The following FRMD4A variants were observed in gnomAD, a reference collection of about 807,000 sequenced individuals.
FRMD4A encodes FERM domain-containing protein 4A.
A neutral mutation model predicts 129.1 loss-of-function variants in FRMD4A; 29 were observed. That is an observed-to-expected ratio of 0.22 (90% confidence interval 0.17 to 0.31). The LOEUF (loss-of-function observed/expected upper bound fraction) is 0.31, where lower values mean the gene tolerates loss of function less well. FRMD4A is among the 10% of genes least tolerant of loss of function. The probability of loss-of-function intolerance (pLI) is 1.00; values close to 1 mark genes in which losing one functional copy is unlikely to be tolerated. For synonymous variants in FRMD4A, 634 were observed against 571.6 expected (o/e 1.11, Z -1.56); for missense variants, 1,272 against 1,375.8 (o/e 0.92, Z 1.19).
chr10:14,200,593 G>A (rs560792571), intron 2 of FRMD4A, among the ~76,000 whole-genome samples: 33 of 152,310 alleles, frequency 2.2e-4, no homozygotes, highest in African/African-American at 7.9e-4. Flanking sequence ...CACTAAGGGA[G>A]AGAAGTTCAA....
chr10:13,780,265 T>C (rs2092701565), intron 6 of FRMD4A, among the ~76,000 whole-genome samples: 1 of 151,536 alleles, frequency 6.6e-6, no homozygotes, highest in South Asian at 2.1e-4. Flanking sequence ...AGGCGGAGGC[T>C]GCAGTGAGCT....
chr10:13,802,158 CT>C (rs763722996), intron 4 of FRMD4A, among the ~76,000 whole-genome samples: 2 of 152,176 alleles, frequency 1.3e-5, no homozygotes, highest in Non-Finnish European at 2.9e-5. Flanking sequence ...TATGCAATTG[CT>C]TCCAGGCAAT....
chr10:14,017,584 C>T (rs1282568920), intron 2 of FRMD4A, among the ~76,000 whole-genome samples: 2 of 152,184 alleles, frequency 1.3e-5, no homozygotes, highest in Non-Finnish European at 2.9e-5. Flanking sequence ...TTCCATGCTT[C>T]CTTTTCCAGG....
intron 2 of FRMD4A, among the ~76,000 whole-genome samples, chr10:14,039,846 A>G (rs1212845783): frequency 6.6e-6 from 1 of 152,134 alleles, no homozygotes; most frequent in Non-Finnish European, 1.5e-5. Flanking sequence ...GGACCTCGTG[A>G]GGCTGTGTCA....
intron 2 of FRMD4A, among the ~76,000 whole-genome samples, chr10:13,967,594 G>A (rs988079563): frequency 6.6e-6 from 1 of 152,188 alleles, no homozygotes; most frequent in African/African-American, 2.4e-5. Context: ...TGGTTGCCTC[G>A]GATGTGCCAA....
In FRMD4A at chr10:14,141,798, G is replaced by A. The variant is rs141128676; in HGVS notation, c.45+188260C>T. Among the ~76,000 whole-genome samples, 286 of 143,386 alleles carry A rather than the reference G, an allele frequency of 2.0e-3. 4 individuals carry two copies. Among genetic ancestry groups the A allele is most frequent in the East Asian group, 2.6e-3 (11 of 4,282 alleles). The allele number at this position is 143,386 out of a possible 152,430, so 94.1% of individuals were successfully genotyped here. Reference sequence around the variant, plus strand: ...ATGCGGTCTTTCTGATTTAGAGTTAGAGGTGTACGTGTGCACATGTGTGTG... The same window carrying A: ...ATGCGGTCTTTCTGATTTAGAGTTAAAGGTGTACGTGTGCACATGTGTGTG... On this transcript the variant is annotated intron_variant, in intron 2 of 24. Transcript: ENST00000357447.
intron 2 of FRMD4A, among the ~76,000 whole-genome samples, chr10:14,045,829 AT>A (rs1833969683): frequency 6.8e-6 from 1 of 146,112 alleles, no homozygotes. Flanking sequence ...ATTATATATA[AT>A]TGCCTACAAA....
At chr10:13,854,881 G>A (rs2094192561) in intron 3 of FRMD4A, among the ~76,000 whole-genome samples, 1 of 152,134 alleles carries the variant, frequency 6.6e-6, no homozygotes, top group Non-Finnish European at 1.5e-5. Flanking sequence ...CATGCTCTGG[G>A]GCTGAATGCT....
chr10:14,212,905 G>A (rs1027019323), intron 2 of FRMD4A, among the ~76,000 whole-genome samples: 7 of 152,180 alleles, frequency 4.6e-5, no homozygotes, highest in South Asian at 2.1e-4. Context: ...TGAAGCCCTC[G>A]GAGAAGTCAC....
At chr10:14,185,858 ATAGAGT>A (rs1267676257) in intron 2 of FRMD4A, among the ~76,000 whole-genome samples, 1 of 152,092 alleles carries the variant, frequency 6.6e-6, no homozygotes, top group East Asian at 1.9e-4. Flanking sequence ...CAGGTTTCCC[ATAGAGT>A]TAGAGTGAGA....
intron 2 of FRMD4A, among the ~76,000 whole-genome samples, chr10:13,904,485 A>G (rs889673989): frequency 1.3e-5 from 2 of 152,168 alleles, no homozygotes; most frequent in African/African-American, 4.8e-5. Flanking sequence ...ACCTTTGCAT[A>G]TGTCTTTATA....
At chr10:13,656,491 T>TAACA (rs1311085264) in intron 22 of FRMD4A, 145 bp downstream of exon 22, 232 of 1,017,880 alleles carry the variant, frequency 2.3e-4, no homozygotes, top group Non-Finnish European at 2.9e-4. Flanking sequence ...CTCCCGCATC[T>TAACA]AACAGCAGCG....
intron 2 of FRMD4A, among the ~76,000 whole-genome samples, chr10:14,056,757 A>G (rs1425307645): frequency 6.6e-6 from 1 of 152,180 alleles, no homozygotes; most frequent in African/African-American, 2.4e-5. Flanking sequence ...TTCATGTGCA[A>G]ATAGTCAGGC....
chr10:14,151,580 C>A (rs187557666), intron 2 of FRMD4A, among the ~76,000 whole-genome samples: 29 of 152,072 alleles, frequency 1.9e-4, no homozygotes, highest in African/African-American at 6.5e-4. Context: ...CACTGGGAGT[C>A]CAATCCCCCC....
In FRMD4A at chr10:13,836,877, C is replaced by A. The variant is rs188652093; in HGVS notation, c.111+21970G>T. On this transcript the variant is annotated intron_variant, in intron 3 of 24. Transcript: ENST00000357447. ...GGTTCACGCCATTCTCCTGCCTCAG[C>A]CTCCCCAGTAGCTGGGACTACAGGC... Among the ~76,000 whole-genome samples the A allele has an allele frequency of 4.1e-3, 621 of 151,874 alleles. 3 individuals are homozygous for A. The highest frequency in any genetic ancestry group is 0.014 in the African/African-American group (582 of 41,406).
intron 9 of FRMD4A, 88 bp downstream of exon 9, chr10:13,747,648 C>A: frequency 1.4e-6 from 1 of 709,260 alleles, no homozygotes; most frequent in Non-Finnish European, 2.6e-6. Flanking sequence ...CACGTGGGAG[C>A]TGGTGGAGGG....
At chr10:13,936,979 C>T (rs747975119) in intron 2 of FRMD4A, among the ~76,000 whole-genome samples, 32 of 152,326 alleles carry the variant, frequency 2.1e-4, no homozygotes, top group African/African-American at 5.5e-4. Flanking sequence ...GAAGCTGCTG[C>T]GGTCTCAGCT....
intron 2 of FRMD4A, among the ~76,000 whole-genome samples, chr10:14,067,045 C>T (rs1835092038): frequency 6.6e-6 from 1 of 152,174 alleles, no homozygotes; most frequent in African/African-American, 2.4e-5. Context: ...CGGCTAGGTG[C>T]AGTGGCTCAC....
At chr10:14,227,243 CTTTTTTTTT>C (rs10674411) in intron 2 of FRMD4A, among the ~76,000 whole-genome samples, 997 of 64,114 alleles carry the variant, frequency 0.016, 23 homozygotes, top group African/African-American at 0.058. Context: ...TCTTCTTCTT[CTTTTTTTTT>C]TTTTTTTTTT....
Sources: gnomAD v4.1 joint callset for allele counts (sites outside exome capture counted in the v4.1 genomes callset) on GRCh38, gnomAD v4.1.1 for gene constraint, MANE v1.5 for transcripts, NCBI Gene and HGNC (gene_info 2026-07-23, HGNC 2026-07-21) for gene names.